PGAP4: variants seen among roughly 807,000 people sequenced by gnomAD.
The protein encoded by PGAP4 is post-GPI attachment to proteins GalNAc transferase 4, also known as GPI-N-acetylgalactosamine transferase PGAP4.
PGAP4 carries 12 observed loss-of-function variants against 28.2 expected under a neutral mutation model. That is an observed-to-expected ratio of 0.42 (90% CI 0.27 to 0.69). The LOEUF (loss-of-function observed/expected upper bound fraction) is 0.69. Ranked by LOEUF, PGAP4 falls within the 30% of genes least tolerant of loss-of-function variation. The probability of loss-of-function intolerance (pLI) is 0.22; values close to 1 mark genes in which losing one functional copy is unlikely to be tolerated. For missense variants in PGAP4, 425 were observed against 513.5 expected (o/e 0.83, Z 1.67); for synonymous variants, 205 against 211.8 (o/e 0.97, Z 0.28).
rs1826619808 is a variant in PGAP4 at position 101,486,571 on chromosome 9, G to C, written c.-78+378C>G. On this transcript the variant is annotated intron_variant, in intron 1 of 1. Coordinates refer to ENST00000374848, the MANE Select transcript of PGAP4 (RefSeq NM_032342.3). The surrounding 1 kb of genome is among the most constrained non-coding windows in gnomAD (Gnocchi z 4.7). ...CTAGGCTCGGCGAGGGTCTTACCCA[G>C]ACTGGCACGCGCCCCGCTCGCGTCC... Among the ~76,000 whole-genome samples, 1 of 152,176 alleles carries C rather than the reference G, an allele frequency of 6.6e-6. No individual in the cohort carries two copies. The highest frequency in any genetic ancestry group is 1.9e-4 in the East Asian group (1 of 5,156).
intron 2 of PGAP4, among the ~76,000 whole-genome samples, chr9:101,507,329 A>G (rs1203638954): frequency 1.3e-5 from 2 of 152,118 alleles, no homozygotes; most frequent in East Asian, 1.9e-4. Flanking sequence ...TATAGTTATC[A>G]TCAGATACTG....
chr9:101,518,668 AG>A (rs1564101901), intron 2 of PGAP4, among the ~76,000 whole-genome samples: 1 of 152,218 alleles, frequency 6.6e-6, no homozygotes, highest in Non-Finnish European at 1.5e-5. Context: ...ATGGCTGCAT[AG>A]TATTCCATTG....
At chr9:101,488,819 G>A (rs1261239822), upstream of PGAP4, among the ~76,000 whole-genome samples, 1 of 152,130 alleles carries the variant, frequency 6.6e-6, no homozygotes, top group Non-Finnish European at 1.5e-5. Context: ...GTATTAGATA[G>A]TACAGCTATA....
chr9:101,511,788 A>T (rs12683273), intron 2 of PGAP4, among the ~76,000 whole-genome samples: 23,351 of 152,120 alleles, frequency 0.15, 2,377 homozygotes, highest in East Asian at 0.36. Context: ...CTGAGCATTT[A>T]TAATTAGATT....
intron 1 of PGAP4, chr9:101,480,534 G>C (rs1356841043): frequency 6.6e-6 from 1 of 152,188 alleles, no homozygotes; most frequent in Non-Finnish European, 1.5e-5. Context: ...AAATTCAACA[G>C]AGCAGAAGGG....
intron 2 of PGAP4, among the ~76,000 whole-genome samples, chr9:101,505,752 C>G (rs192092858): frequency 7.2e-5 from 11 of 152,122 alleles, no homozygotes; most frequent in African/African-American, 2.7e-4. Flanking sequence ...AGCATTCTGC[C>G]TTCTACACAG....
At chr9:101,501,977 A>C (rs1158005029) in intron 2 of PGAP4, 4 of 287,316 alleles carry the variant, frequency 1.4e-5, no homozygotes, top group African/African-American at 2.2e-5. Context: ...ATAACTTTTA[A>C]GATCACAAAA....
chr9:101,525,366 G>T (rs573301443), intron 2 of PGAP4, among the ~76,000 whole-genome samples: 1 of 152,054 alleles, frequency 6.6e-6, no homozygotes, highest in African/African-American at 2.4e-5. Flanking sequence ...ATTTGTGTAC[G>T]TCTAAAATTG....
At chr9:101,525,259 C>T (rs1255130099) in intron 2 of PGAP4, among the ~76,000 whole-genome samples, 1 of 152,136 alleles carries the variant, frequency 6.6e-6, no homozygotes, top group South Asian at 2.1e-4. Flanking sequence ...ACATATTAAA[C>T]CCCCTTCATA....
At chr9:101,499,859 G>A (rs759402820) in intron 2 of PGAP4, among the ~76,000 whole-genome samples, 1 of 151,926 alleles carries the variant, frequency 6.6e-6, no homozygotes, top group African/African-American at 2.4e-5. Flanking sequence ...ACTTGCAGAC[G>A]CAATGTTCCT....
chr9:101,476,841 G>C lies in PGAP4; in HGVS notation c.252C>G (p.Pro84=). 1 of 1,608,846 alleles carries C rather than the reference G, an allele frequency of 6.2e-7. No individual in the cohort carries two copies. Among genetic ancestry groups the C allele is most frequent in the Non-Finnish European group, 8.5e-7 (1 of 1,177,238 alleles). ...CAATGGGCACTGAGCCATTGGCAGAGGGAAGCTCCTCAAAATAGTGGAGGG... is the reference window on the plus strand; with the variant it reads ...CAATGGGCACTGAGCCATTGGCAGACGGAAGCTCCTCAAAATAGTGGAGGG... ...EAALHYFEEL[P]SANGSVPIVW... is the part of the protein sequence containing the mutation. The change falls in exon 2 of 2, where the codon CCC becomes CCG. Residue 84 remains proline, a synonymous_variant. Coordinates refer to ENST00000374848, the MANE Select transcript of PGAP4 (RefSeq NM_032342.3). The surrounding 1 kb of genome is among the most constrained non-coding windows in gnomAD (Gnocchi z 7.0).
At chr9:101,501,266 A>G (rs1290785458) in intron 2 of PGAP4, among the ~76,000 whole-genome samples, 1 of 152,178 alleles carries the variant, frequency 6.6e-6, no homozygotes, top group Non-Finnish European at 1.5e-5. Flanking sequence ...TACTGCTACA[A>G]TAGTGATGCT....
At chr9:101,508,121 TGAG>T (rs1444998116) in intron 2 of PGAP4, among the ~76,000 whole-genome samples, 3 of 125,544 alleles carry the variant, frequency 2.4e-5, no homozygotes, top group African/African-American at 9.6e-5. Context: ...AAATCCTTTT[TGAG>T]TGTTTTTTTT....
At chr9:101,512,787 T>C (rs909156811) in intron 2 of PGAP4, among the ~76,000 whole-genome samples, 3 of 152,128 alleles carry the variant, frequency 2.0e-5, no homozygotes, top group African/African-American at 7.2e-5. Flanking sequence ...TCATTTCCTC[T>C]CCGTGGATTT....
At chr9:101,494,237 TA>T (rs1448203236) in intron 2 of PGAP4, among the ~76,000 whole-genome samples, 1 of 151,982 alleles carries the variant, frequency 6.6e-6, no homozygotes, top group African/African-American at 2.4e-5. Context: ...ACCAAAGTTT[TA>T]AAGCATATTT....
At chr9:101,488,039 A>G (rs1231970484), upstream of PGAP4, among the ~76,000 whole-genome samples, 1 of 152,214 alleles carries the variant, frequency 6.6e-6, no homozygotes, top group Non-Finnish European at 1.5e-5. Context: ...GTAAATGCTC[A>G]TATGATTTCT....
chr9:101,525,578 G>T (rs1388573842), intron 2 of PGAP4, among the ~76,000 whole-genome samples: 2 of 151,502 alleles, frequency 1.3e-5, no homozygotes, highest in African/African-American at 4.9e-5. Context: ...GTGGTGACAG[G>T]TGCCTGTAAT....
Position 101,477,077 on chromosome 9 carries a change from A to T in PGAP4, c.16T>A (p.Ser6Thr). 6.3e-7 allele frequency: 1 copy of T among 1,587,290 alleles called. No homozygotes were observed. Among genetic ancestry groups the T allele is most frequent in the Non-Finnish European group, 8.6e-7 (1 of 1,169,026 alleles). MSTST[S>T]PAAMLLRRLR... The stretch of plus-strand genomic sequence containing the variant: ...CTCCGGAGGAGCATGGCAGCTGGAG[A>T]GGTTGAAGTGCTCATGAGGTCAACT... The change falls in exon 2 of 2, where the codon TCT becomes ACT. Residue 6 changes from serine to threonine, a missense_variant. Physicochemically the swap from Ser to Thr is moderately conservative, Grantham distance 58. Transcript: ENST00000374848.
At chr9:101,498,017 C>G (rs1165128690) in intron 2 of PGAP4, among the ~76,000 whole-genome samples, 3 of 151,812 alleles carry the variant, frequency 2.0e-5, no homozygotes, top group Admixed American at 2.0e-4. Context: ...AAATTGGAAC[C>G]TGTTTATATG....
Sources: allele counts gnomAD v4.1 joint callset (sites outside exome capture counted in the v4.1 genomes callset), GRCh38; gene constraint gnomAD v4.1.1; non-coding constraint Gnocchi (gnomAD v3.1); transcripts MANE v1.5; gene names NCBI Gene and HGNC (gene_info 2026-07-23, HGNC 2026-07-21).